SLFN5: variants seen among roughly 807,000 people sequenced by gnomAD.
SLFN5 encodes schlafen family member 5.
In SLFN5, 34 loss-of-function variants were observed where a neutral mutation model predicts 48.5. That is an observed-to-expected ratio of 0.70 (90% CI 0.53 to 0.93). The LOEUF (loss-of-function observed/expected upper bound fraction) is 0.93. SLFN5 is among the 40% of genes least tolerant of loss of function. The pLI is 0.00. For missense variants in SLFN5, 1,006 were observed against 1,071.3 expected, an observed-to-expected ratio of 0.94 and a Z score of 0.85; for synonymous variants, 387 against 396.2, an observed-to-expected ratio of 0.98 and a Z score of 0.28.
At chr17:35,262,551 C>A (rs1403096115) in intron 3 of SLFN5, among the ~76,000 whole-genome samples, 5 of 151,998 alleles carry the variant, frequency 3.3e-5, no homozygotes, top group Non-Finnish European at 5.9e-5. Flanking sequence ...AGCTTAGAAT[C>A]ATTTTATCCT....
chr17:35,252,728 T>A (rs949038278), intron 1 of SLFN5, among the ~76,000 whole-genome samples: 4 of 152,190 alleles, frequency 2.6e-5, no homozygotes, highest in African/African-American at 9.6e-5. Context: ...GTTTTAGTTG[T>A]TTCAGACAGG....
At chr17:35,253,169 C>T (rs2092446384) in intron 1 of SLFN5, among the ~76,000 whole-genome samples, 1 of 151,972 alleles carries the variant, frequency 6.6e-6, no homozygotes, top group Admixed American at 6.6e-5. Flanking sequence ...TATATGCTCC[C>T]TTGGACCTCT....
chr17:35,263,127 T>TTTTA (rs1332734406), intron 3 of SLFN5, among the ~76,000 whole-genome samples: 2 of 151,948 alleles, frequency 1.3e-5, no homozygotes, highest in Admixed American at 1.3e-4. Context: ...GGACCTTGCT[T>TTTTA]TTTATTTATT....
chr17:35,261,717 C>T (rs960964936), intron 3 of SLFN5, among the ~76,000 whole-genome samples: 1 of 142,836 alleles, frequency 7.0e-6, no homozygotes, highest in South Asian at 2.3e-4. Context: ...CTCTTGTTGC[C>T]CAGGCTGGAG....
chr17:35,246,259 T>A (rs1195210557), intron 1 of SLFN5, among the ~76,000 whole-genome samples: 1 of 152,126 alleles, frequency 6.6e-6, no homozygotes, highest in East Asian at 1.9e-4. Flanking sequence ...AATTTGCAAA[T>A]ACCTTCTTCC....
In SLFN5 at chr17:35,258,896, A is replaced by G. The variant is rs1904430475; in HGVS notation, c.206A>G (p.Tyr69Cys). The change falls in exon 2 of 5, where the codon TAT becomes TGT. Residue 69 changes from tyrosine to cysteine, a missense_variant. Transcript: ENST00000299977. ...GAGATTGAGAACAAAGGCTACAATT[A>G]TGAACGTCATGGAGTAGGATTGGAT... Reference protein sequence around the residue: ...KAEIENKGYNYERHGVGLDVP... With the variant: ...KAEIENKGYNCERHGVGLDVP... The G allele has an allele frequency of 6.2e-7, 1 of 1,614,126 alleles. No homozygotes were observed. The highest frequency in any genetic ancestry group is 1.3e-5 in the African/African-American group (1 of 74,932).
At position 35,271,615 on chromosome 17, in the gene SLFN5, G is replaced by A. The variant is rs747042561; in HGVS notation, c.*5727G>A. 3 of 152,138 alleles carry A rather than the reference G, an allele frequency of 2.0e-5. No homozygotes were observed. The highest frequency in any genetic ancestry group is 4.4e-5 in the Non-Finnish European group (3 of 68,018). 9.4% of individuals were successfully genotyped at this position (152,138 alleles called of 1,614,324 possible). On this transcript the variant is annotated 3_prime_UTR_variant, in exon 5 of 5. Transcript: ENST00000299977. Reference sequence around the variant, plus strand: ...CTTAAACAGATAAAAAGCAGACCACGTTTTTGGATAAGAAGATTAAAAATT... The same window carrying A: ...CTTAAACAGATAAAAAGCAGACCACATTTTTGGATAAGAAGATTAAAAATT...
chr17:35,244,312 A>T (rs1248893654), intron 1 of SLFN5, among the ~76,000 whole-genome samples: 2 of 152,050 alleles, frequency 1.3e-5, no homozygotes, highest in Non-Finnish European at 2.9e-5. Flanking sequence ...CCAGAAGGGG[A>T]TCCTTTGTCA....
intron 2 of SLFN5, among the ~76,000 whole-genome samples, chr17:35,260,283 C>G (rs1029803481): frequency 6.6e-6 from 1 of 152,090 alleles, no homozygotes; most frequent in Non-Finnish European, 1.5e-5. Context: ...AAAAGGAAAG[C>G]CTGAGATAAA....
intron 1 of SLFN5, among the ~76,000 whole-genome samples, chr17:35,254,111 T>G (rs9914528): frequency 0.12 from 18,160 of 152,226 alleles, 1,151 homozygotes; most frequent in Admixed American, 0.13. Context: ...GACTAGGACT[T>G]TATTTACAAC....
In SLFN5 at chr17:35,259,157, A is replaced by T. The variant is rs1313817094; in HGVS notation, c.467A>T (p.Gln156Leu). The T allele has an allele frequency of 6.2e-7, 1 of 1,614,148 alleles. No individual in the cohort carries two copies. The highest frequency in any genetic ancestry group is 8.5e-7 in the Non-Finnish European group (1 of 1,180,038). Residue 156 changes from glutamine (Q) to leucine (L), a missense_variant, in exon 2 of 5, where the codon CAG becomes CTG. Physicochemically the swap from Gln to Leu is moderately radical, Grantham distance 113 (BLOSUM62 -2). Transcript: ENST00000299977. Reference sequence around the variant, plus strand: ...AATGTTTCCAATTCATTAGGTCCACAGGCAGCTCAGGGTAGTGTACAATAT... The same window carrying T: ...AATGTTTCCAATTCATTAGGTCCACTGGCAGCTCAGGGTAGTGTACAATAT... ...NINVSNSLGP[Q>L]AAQGSVQYEG...
At position 35,271,292 on chromosome 17, in the gene SLFN5, A is replaced by G. The variant is rs1904824586; in HGVS notation, c.*5404A>G. On this transcript the variant is annotated 3_prime_UTR_variant, in exon 5 of 5. Coordinates refer to ENST00000299977, the MANE Select transcript of SLFN5 (RefSeq NM_144975.4). ...AAAACTATTCATATAGGGATGGGCTATTAGCAAGAGTATATGAATAACGTA... is the reference window on the plus strand; with the variant it reads ...AAAACTATTCATATAGGGATGGGCTGTTAGCAAGAGTATATGAATAACGTA... The G allele has an allele frequency of 6.6e-6, 1 of 152,254 alleles. No homozygotes were observed. Among genetic ancestry groups the G allele is most frequent in the Non-Finnish European group, 1.5e-5 (1 of 68,046 alleles). 9.4% of individuals were successfully genotyped at this position (152,254 alleles called of 1,614,324 possible).
At chr17:35,260,272 G>A (rs1904482558) in intron 2 of SLFN5, among the ~76,000 whole-genome samples, 1 of 152,236 alleles carries the variant, frequency 6.6e-6, no homozygotes, top group African/African-American at 2.4e-5. Flanking sequence ...ATCTATCCTG[G>A]AAAAGGAAAG....
chr17:35,261,029 C>T lies in SLFN5; in HGVS notation c.1071C>T (p.Arg357=). The T allele has an allele frequency of 6.2e-7, 1 of 1,614,074 alleles. No individual in the cohort carries two copies. The highest frequency in any genetic ancestry group is 8.5e-7 in the Non-Finnish European group (1 of 1,179,944). Residue 357 remains arginine, a synonymous_variant, in exon 3 of 5, where the codon CGC becomes CGT. Coordinates refer to ENST00000299977, the MANE Select transcript of SLFN5 (RefSeq NM_144975.4). Reference sequence around the variant, plus strand: ...TGAGTTTGTCATCTGCCACGCCCCGCAGCAAGCCTGTGTGCATTCATAAGA... The same window carrying T: ...TGAGTTTGTCATCTGCCACGCCCCGTAGCAAGCCTGTGTGCATTCATAAGA... ...LQLSLSSATP[R]SKPVCIHKNS...
At chr17:35,254,452 T>C (rs1194083622) in intron 1 of SLFN5, among the ~76,000 whole-genome samples, 2 of 152,206 alleles carry the variant, frequency 1.3e-5, no homozygotes, top group Admixed American at 6.5e-5. Context: ...TGCATCCACT[T>C]TTTTGAGGGA....
rs1318133741 is a variant in SLFN5, at chr17:35,265,524, T to A, written c.2312T>A (p.Ile771Asn). The part of the protein sequence containing the change: ...IEDLNLEEIL[I>N]YVANKCRFLL... ...GACTTGAACTTGGAGGAGATACTGA[T>A]CTATGTAGCGAATAAATGCCGTTTT... The change falls in exon 5 of 5, where the codon ATC becomes AAC. Residue 771 changes from isoleucine (I) to asparagine (N), a missense_variant. Transcript: ENST00000299977. The A allele has an allele frequency of 6.2e-7, 1 of 1,614,106 alleles. No homozygotes were observed. Among genetic ancestry groups the A allele is most frequent in the East Asian group, 2.2e-5 (1 of 44,900 alleles).
In SLFN5 at chr17:35,269,621, T is replaced by C. The variant is rs530171774; in HGVS notation, c.*3733T>C. 2.0e-5 allele frequency: 3 copies of C among 152,338 alleles called. No individual in the cohort carries two copies. Among genetic ancestry groups the C allele is most frequent in the East Asian group, 3.8e-4 (2 of 5,196 alleles). 9.4% of individuals were successfully genotyped at this position (152,338 alleles called of 1,614,324 possible). On this transcript the variant is annotated 3_prime_UTR_variant, in exon 5 of 5. Coordinates refer to ENST00000299977, the MANE Select transcript of SLFN5 (RefSeq NM_144975.4). ...AAGGACCTAGGTAGCAGGGGTGACTTGGCCACAGTCATTTTCTTTACTTGA... is the reference window on the plus strand; with the variant it reads ...AAGGACCTAGGTAGCAGGGGTGACTCGGCCACAGTCATTTTCTTTACTTGA...
chr17:35,255,142 C>T (rs1460352588), intron 1 of SLFN5, among the ~76,000 whole-genome samples: 3 of 152,048 alleles, frequency 2.0e-5, no homozygotes, highest in Non-Finnish European at 4.4e-5. Flanking sequence ...GTTAGAATCT[C>T]CTGTTATTCT....
intron 3 of SLFN5, among the ~76,000 whole-genome samples, chr17:35,261,970 C>T (rs1904533271): frequency 1.3e-5 from 2 of 151,990 alleles, no homozygotes; most frequent in African/African-American, 2.4e-5. Context: ...TGAGCCACTG[C>T]GCCCAGCCCA....
Sources: allele counts gnomAD v4.1 joint callset (sites outside exome capture counted in the v4.1 genomes callset), GRCh38; gene constraint gnomAD v4.1.1; transcripts MANE v1.5; gene names NCBI Gene and HGNC (gene_info 2026-07-23, HGNC 2026-07-21).